The following SGCZ variants were observed in gnomAD, a reference collection of about 807,000 sequenced individuals.
The protein encoded by SGCZ is sarcoglycan zeta, also known as zeta-sarcoglycan.
A neutral mutation model predicts 41.3 loss-of-function variants in SGCZ; 40 were observed. The ratio of observed to expected loss-of-function variants is 0.97; its 90% CI spans 0.75 to 1.26. The LOEUF (loss-of-function observed/expected upper bound fraction) is 1.26, where lower values mean the gene tolerates loss of function less well. Among genes scored for constraint, SGCZ ranks in the 50% most tolerant of loss-of-function variants. The probability of loss-of-function intolerance (pLI) is 0.00; values close to 1 mark genes in which losing one functional copy is unlikely to be tolerated. For missense variants in SGCZ, 552 were observed against 369.8 expected (o/e 1.49, Z -4.04); for synonymous variants, 206 against 137.5 (o/e 1.50, Z -3.49).
intron 1 of SGCZ, among the ~76,000 whole-genome samples, chr8:14,571,437 G>A (rs1804549739): frequency 6.6e-6 from 1 of 152,174 alleles, no homozygotes; most frequent in South Asian, 2.1e-4. Flanking sequence ...CAGGCAATTA[G>A]CTGAGTATAC....
intron 1 of SGCZ, among the ~76,000 whole-genome samples, chr8:15,084,428 A>G (rs567941354): frequency 5.9e-5 from 9 of 152,316 alleles, no homozygotes; most frequent in African/African-American, 2.2e-4. Context: ...AAAGTAATAA[A>G]GCTAGCAATA....
intron 3 of SGCZ, among the ~76,000 whole-genome samples, chr8:14,286,458 CA>C (rs1800633452): frequency 1.4e-5 from 2 of 142,264 alleles, no homozygotes; most frequent in South Asian, 4.3e-4. Flanking sequence ...TCCCTTCTCA[CA>C]AAACTCCAGC....
Position 14,237,598 on chromosome 8 carries a change from T to G in SGCZ, c.418A>C (p.Thr140Pro). The G allele has an allele frequency of 6.2e-7, 1 of 1,613,768 alleles. No homozygotes were observed. Among genetic ancestry groups the G allele is most frequent in the Non-Finnish European group, 8.5e-7 (1 of 1,179,756 alleles). Residue 140 changes from threonine (T) to proline (P), a missense_variant, in exon 4 of 8, where the codon ACC (threonine) becomes CCC (proline). Coordinates refer to ENST00000382080, the MANE Select transcript of SGCZ (RefSeq NM_139167.4). ...NHMGQLTGQLTIGADAVEAQC... is the reference protein window; with the variant it reads ...NHMGQLTGQLPIGADAVEAQC... ...TTTACCCCAAAACACTCACCTATGG[T>G]CAGCTGTCCGGTTAACTGCCCCATG...
rs967134694 is a variant in SGCZ at position 14,087,015 on chromosome 8, G to A, written c.*3428C>T. Among the ~76,000 whole-genome samples the A allele has an allele frequency of 6.6e-6, 1 of 151,594 alleles. No individual in the cohort carries two copies. Among genetic ancestry groups the A allele is most frequent in the African/African-American group, 2.4e-5 (1 of 41,372 alleles). ...TTAAGTAGGTAAGTTCACATGACTA[G>A]CCAGGGGCAGAACTAGAACTGGAAT... On this transcript the variant is annotated 3_prime_UTR_variant, in exon 8 of 8. Transcript: ENST00000382080.
chr8:14,652,098 G>A (rs922957194), intron 1 of SGCZ, among the ~76,000 whole-genome samples: 4 of 151,826 alleles, frequency 2.6e-5, no homozygotes, highest in Admixed American at 1.3e-4. Flanking sequence ...CTCTCAATGA[G>A]ACGGATAGAT....
intron 2 of SGCZ, among the ~76,000 whole-genome samples, chr8:14,446,407 T>C (rs890703045): frequency 7.9e-5 from 12 of 152,210 alleles, no homozygotes; most frequent in Non-Finnish European, 1.6e-4. Context: ...GGGTCTGATA[T>C]ATCAAAGACC....
At chr8:14,251,992 G>C (rs747114669) in intron 3 of SGCZ, among the ~76,000 whole-genome samples, 1 of 152,100 alleles carries the variant, frequency 6.6e-6, no homozygotes, top group Non-Finnish European at 1.5e-5. Flanking sequence ...TTACAGGCGT[G>C]AGCCACCGTG....
At position 14,298,011 on chromosome 8, in the gene SGCZ, G is replaced by C. The variant is rs558880421; in HGVS notation, c.336+26092C>G. Among the ~76,000 whole-genome samples the C allele has an allele frequency of 8.1e-4, 123 of 152,040 alleles. 1 individual carries two copies. The highest frequency in any genetic ancestry group is 6.2e-3 in the South Asian group (30 of 4,828). On this transcript the variant is annotated intron_variant, in intron 3 of 7. Coordinates refer to ENST00000382080, the MANE Select transcript of SGCZ (RefSeq NM_139167.4). ...CTAGCAATAAATAAGAAGTTATCTTGATCAAGTGGGATTTATCCTAAGAAT... is the reference window on the plus strand; with the variant it reads ...CTAGCAATAAATAAGAAGTTATCTTCATCAAGTGGGATTTATCCTAAGAAT...
rs528861964 is a variant in SGCZ at position 14,307,581 on chromosome 8, G to T, written c.336+16522C>A. ...TGAGGGACAGGGCACTAAAATTGCG[G>T]CATTAAAGTGGATCACACTTTGGTC... On this transcript the variant is annotated intron_variant, in intron 3 of 7. Transcript: ENST00000382080. Among the ~76,000 whole-genome samples, 3 of 152,178 alleles carry T rather than the reference G, an allele frequency of 2.0e-5. No individual in the cohort carries two copies. In the South Asian group the frequency reaches 6.2e-4, roughly 32 times the overall value.
intron 1 of SGCZ, among the ~76,000 whole-genome samples, chr8:14,991,560 A>G (rs893961126): frequency 1.3e-5 from 2 of 152,106 alleles, no homozygotes; most frequent in Non-Finnish European, 2.9e-5. Flanking sequence ...GAATATTATC[A>G]AAGCACTTAT....
At chr8:14,423,042 AC>A (rs1448895417) in intron 2 of SGCZ, among the ~76,000 whole-genome samples, 1 of 152,050 alleles carries the variant, frequency 6.6e-6, no homozygotes, top group East Asian at 1.9e-4. Flanking sequence ...ACAAAACAAA[AC>A]AAAAACCACT....
At chr8:14,582,182 C>T (rs1435729298) in intron 1 of SGCZ, among the ~76,000 whole-genome samples, 1 of 151,838 alleles carries the variant, frequency 6.6e-6, no homozygotes, top group Non-Finnish European at 1.5e-5. Flanking sequence ...TATGTATAAC[C>T]TACAAAATAT....
intron 5 of SGCZ, among the ~76,000 whole-genome samples, chr8:14,144,963 A>G (rs538049783): frequency 6.6e-6 from 1 of 152,310 alleles, no homozygotes; most frequent in Non-Finnish European, 1.5e-5. Context: ...CAGCCACAGT[A>G]AAATAGAACA....
At chr8:14,413,720 T>C (rs1187627741) in intron 2 of SGCZ, among the ~76,000 whole-genome samples, 1 of 152,002 alleles carries the variant, frequency 6.6e-6, no homozygotes, top group Non-Finnish European at 1.5e-5. Flanking sequence ...AAATTGCATC[T>C]TCTTTGTCTA....
intron 1 of SGCZ, among the ~76,000 whole-genome samples, chr8:14,565,642 A>C (rs1332470686): frequency 6.6e-6 from 1 of 152,272 alleles, no homozygotes; most frequent in African/African-American, 2.4e-5. Flanking sequence ...GGAGAGCTTA[A>C]CTGGGCAAGC....
chr8:14,246,177 G>T (rs1799081766), intron 3 of SGCZ, among the ~76,000 whole-genome samples: 1 of 152,164 alleles, frequency 6.6e-6, no homozygotes, highest in Non-Finnish European at 1.5e-5. Flanking sequence ...ATTCACAATA[G>T]CAAAGACTTG....
intron 2 of SGCZ, among the ~76,000 whole-genome samples, chr8:14,443,818 A>G (rs1479257038): frequency 2.0e-5 from 3 of 152,092 alleles, no homozygotes; most frequent in African/African-American, 7.2e-5. Flanking sequence ...AATGGGATCT[A>G]ATTAAACTAA....
chr8:14,785,709 C>A (rs757233966), intron 1 of SGCZ, among the ~76,000 whole-genome samples: 1 of 152,146 alleles, frequency 6.6e-6, no homozygotes, highest in Non-Finnish European at 1.5e-5. Context: ...TTGTTATTTT[C>A]TGATACGTCC....
chr8:14,462,747 A>G (rs1563345552), intron 2 of SGCZ, among the ~76,000 whole-genome samples: 3 of 151,862 alleles, frequency 2.0e-5, no homozygotes, highest in East Asian at 3.9e-4. Flanking sequence ...TTTTCTATTT[A>G]TGCAAGAAAA....
Sources: gnomAD v4.1 joint callset for allele counts (sites outside exome capture counted in the v4.1 genomes callset) on GRCh38, gnomAD v4.1.1 for gene constraint, MANE v1.5 for transcripts, NCBI Gene and HGNC (gene_info 2026-07-23, HGNC 2026-07-21) for gene names.